CDC20B: variants seen among roughly 807,000 people sequenced by gnomAD.
CDC20B encodes cell division cycle protein 20 homolog B.
Under a neutral mutation model 64.1 loss-of-function variants are expected in CDC20B, and 58 were observed. The observed-to-expected ratio is 0.90, with a 90% CI of 0.73 to 1.13. The LOEUF is 1.13. Ranked by LOEUF, CDC20B falls within the 50% of genes most tolerant of loss-of-function variation. The pLI is 0.00. For synonymous variants in CDC20B, 243 were observed against 230.6 expected, an observed-to-expected ratio of 1.05 and a Z score of -0.49; for missense variants, 597 against 633.0, an observed-to-expected ratio of 0.94 and a Z score of 0.61.
chr5:55,150,087 G>A (rs1057463405), intron 2 of CDC20B, among the ~76,000 whole-genome samples: 4 of 152,012 alleles, frequency 2.6e-5, no homozygotes, highest in Non-Finnish European at 4.4e-5. Context: ...AGCCGAGATC[G>A]CACCATTGCA....
chr5:55,139,168 CAT>C (rs1561293090), intron 5 of CDC20B, among the ~76,000 whole-genome samples: 2 of 151,864 alleles, frequency 1.3e-5, no homozygotes, highest in South Asian at 4.2e-4. Context: ...CAAATTAACA[CAT>C]GACTTCTCAA....
At chr5:55,138,791 G>A (rs1221216558) in intron 5 of CDC20B, among the ~76,000 whole-genome samples, 3 of 149,432 alleles carry the variant, frequency 2.0e-5, no homozygotes, top group African/African-American at 4.9e-5. Context: ...AAGTAGGATA[G>A]CCAAAATAAA....
At chr5:55,154,074 A>G (rs1743745981) in intron 2 of CDC20B, among the ~76,000 whole-genome samples, 1 of 152,176 alleles carries the variant, frequency 6.6e-6, no homozygotes, top group Non-Finnish European at 1.5e-5. Context: ...CTGTTCTTCA[A>G]GAAGGGAGAT....
At chr5:55,161,879 T>A (rs953400248) in intron 2 of CDC20B, among the ~76,000 whole-genome samples, 6 of 152,152 alleles carry the variant, frequency 3.9e-5, no homozygotes, top group Non-Finnish European at 2.9e-5. Flanking sequence ...CAGCATAGGC[T>A]TTGGCCTCAA....
intron 11 of CDC20B, among the ~76,000 whole-genome samples, chr5:55,116,843 G>A (rs1390914740): frequency 6.6e-6 from 1 of 152,184 alleles, no homozygotes; most frequent in Non-Finnish European, 1.5e-5. Context: ...CTTAAAAACT[G>A]GAAAGCTACT....
intron 11 of CDC20B, among the ~76,000 whole-genome samples, chr5:55,115,709 T>C (rs150661497): frequency 2.0e-5 from 3 of 152,198 alleles, no homozygotes; most frequent in East Asian, 1.9e-4. Flanking sequence ...TACGACTCAA[T>C]TGAGAGCTGG....
intron 7 of CDC20B, 142 bp downstream of exon 7, chr5:55,128,277 AAG>A: frequency 9.1e-6 from 5 of 550,368 alleles, no homozygotes; most frequent in Non-Finnish European, 1.5e-5. Context: ...AAAAAAAAAA[AAG>A]CGGAATGTCA....
intron 2 of CDC20B, among the ~76,000 whole-genome samples, chr5:55,155,034 T>C (rs1313912981): frequency 6.6e-6 from 1 of 152,186 alleles, no homozygotes. Context: ...GCCAAGGAAA[T>C]GCCTGTCGCA....
chr5:55,141,421 C>A (rs114390454), intron 4 of CDC20B, among the ~76,000 whole-genome samples: 6,992 of 152,292 alleles, frequency 0.046, 187 homozygotes, highest in Middle Eastern at 0.068. Flanking sequence ...GGCAATTATA[C>A]CTTTTACGGA....
rs1282327216 is a variant in CDC20B at position 55,119,885 on chromosome 5, C to T, written c.1375G>A (p.Glu459Lys). Residue 459 changes from glutamate (E) to lysine (K), a missense_variant, in exon 11 of 12, where the codon GAG becomes AAG. Physicochemically the swap from Glu to Lys is moderately conservative, Grantham distance 56. This residue lies in a region of CDC20B where 353 missense variants were observed against 397.0 expected (regional missense o/e 0.89). Coordinates refer to ENST00000381375, the MANE Select transcript of CDC20B (RefSeq NM_001170402.1). ...GGAGTACCTTGACCAGTTGCAATCT[C>T]CTTTGTCTTAGGTAGCCAGATTAAG... The part of the protein sequence containing the change: ...CSLIWLPKTK[E>K]IATGQGTPKN... 2.5e-6 allele frequency: 4 copies of T among 1,613,674 alleles called. No homozygotes were observed. Among genetic ancestry groups the T allele is most frequent in the Non-Finnish European group, 3.4e-6 (4 of 1,179,718 alleles).
At position 55,125,017 on chromosome 5, in the gene CDC20B, A is replaced by C. The variant is rs757298707; in HGVS notation, c.1001T>G (p.Leu334Arg). Residue 334 changes from leucine (L) to arginine (R), a missense_variant, in exon 9 of 12, where the codon CTG becomes CGG. Coordinates refer to ENST00000381375, the MANE Select transcript of CDC20B (RefSeq NM_001170402.1). ...NHFILSSGSR[L>R]GRVYHHDVRV... Reference sequence around the variant, plus strand: ...AACATCGTGATGATAAACACGCCCCAGTCTTGACCCACTGCGAGTTTACAT... The same window carrying C: ...AACATCGTGATGATAAACACGCCCCCGTCTTGACCCACTGCGAGTTTACAT... 6.2e-7 allele frequency: 1 copy of C among 1,611,906 alleles called. No homozygotes were observed. The highest frequency in any genetic ancestry group is 1.1e-5 in the South Asian group (1 of 91,026).
At chr5:55,164,155 C>A in intron 2 of CDC20B, 1 of 1,602,272 alleles carries the variant, frequency 6.2e-7, no homozygotes, top group Non-Finnish European at 8.5e-7. Flanking sequence ...CCATTGAAGT[C>A]ATCAGGCCTG....
intron 2 of CDC20B, chr5:55,164,401 A>ATT: frequency 2.6e-6 from 1 of 378,764 alleles, no homozygotes; most frequent in Admixed American, 4.5e-5. Context: ...GCAATGAAGG[A>ATT]TTTTTTTTTA....
intron 7 of CDC20B, among the ~76,000 whole-genome samples, 198 bp downstream of exon 7, chr5:55,128,223 C>G (rs773912193): frequency 6.8e-6 from 1 of 147,550 alleles, no homozygotes; most frequent in South Asian, 2.1e-4. Context: ...TGGAAACTAA[C>G]CAGAGTATCC....
rs1742579563 is a variant in CDC20B at position 55,114,468 on chromosome 5, G to C, written c.1460-150C>G. 7.7e-6 allele frequency: 11 copies of C among 1,429,240 alleles called. No individual in the cohort carries two copies. In the East Asian group the frequency reaches 2.7e-4, roughly 35 times the overall value. The allele number at this position is 1,429,240 out of a possible 1,614,324, so 88.5% of individuals were successfully genotyped here. ...CAGGTTCAGAGCTGCCACCAACTGA[G>C]CCATGCTGGGAGACAGCAGTCAGGG... On this transcript the variant is annotated intron_variant, in intron 11 of 11. Coordinates refer to ENST00000381375, the MANE Select transcript of CDC20B (RefSeq NM_001170402.1). The surrounding 1 kb of genome is among the most constrained non-coding windows in gnomAD (Gnocchi z 4.1).
intron 2 of CDC20B, among the ~76,000 whole-genome samples, chr5:55,159,731 A>T (rs762100086): frequency 6.6e-6 from 1 of 152,204 alleles, no homozygotes; most frequent in Non-Finnish European, 1.5e-5. Flanking sequence ...TACATGTAAT[A>T]GTAACGTCCT....
intron 2 of CDC20B, 162 bp downstream of exon 2, chr5:55,172,426 A>T: frequency 1.7e-6 from 1 of 585,522 alleles, no homozygotes; most frequent in African/African-American, 1.9e-5. Context: ...TTTGTCTGGG[A>T]TCTTCAGTTT....
intron 5 of CDC20B, among the ~76,000 whole-genome samples, chr5:55,134,721 T>G (rs751438674): frequency 2.6e-5 from 4 of 151,904 alleles, no homozygotes; most frequent in Non-Finnish European, 5.9e-5. Context: ...GGTGACAGAG[T>G]GAGGTTCTGT....
chr5:55,124,425 G>A (rs1191853921), intron 9 of CDC20B, among the ~76,000 whole-genome samples: 1 of 152,166 alleles, frequency 6.6e-6, no homozygotes, highest in Non-Finnish European at 1.5e-5. Flanking sequence ...GAAGTCTGAA[G>A]GAAGAATGAA....
Sources: allele counts gnomAD v4.1 joint callset (sites outside exome capture counted in the v4.1 genomes callset), GRCh38; gene constraint gnomAD v4.1.1; regional missense constraint gnomAD v4.1.1; non-coding constraint Gnocchi (gnomAD v3.1); transcripts MANE v1.5; gene names NCBI Gene and HGNC (gene_info 2026-07-23, HGNC 2026-07-21).